PAPPA2: variants seen among roughly 807,000 people sequenced by gnomAD.
PAPPA2 encodes the protein pappalysin 2.
In PAPPA2, 86 loss-of-function variants were observed where a neutral mutation model predicts 176.4. The ratio of observed to expected loss-of-function variants is 0.49; its 90% CI spans 0.41 to 0.58. The LOEUF (loss-of-function observed/expected upper bound fraction) is 0.58. Ranked by LOEUF, PAPPA2 falls within the 20% of genes least tolerant of loss-of-function variation. The probability of loss-of-function intolerance (pLI) is 0.00; values close to 1 mark genes in which losing one functional copy is unlikely to be tolerated. For missense variants in PAPPA2, 2,073 were observed against 2,256.9 expected (o/e 0.92, Z 1.65); for synonymous variants, 809 against 852.2 (o/e 0.95, Z 0.88).
At chr1:176,702,845 T>C (rs1025236522) in intron 9 of PAPPA2, 110 bp downstream of exon 9, 1 of 1,395,742 alleles carries the variant, frequency 7.2e-7, no homozygotes, top group African/African-American at 1.4e-5. Flanking sequence ...AAACAGAAGT[T>C]TCAGGAGTTT....
chr1:176,589,130 CTTT>C (rs936023967), intron 2 of PAPPA2, among the ~76,000 whole-genome samples: 1 of 150,260 alleles, frequency 6.7e-6, no homozygotes, highest in Admixed American at 6.6e-5. Flanking sequence ...ACATTCAAAA[CTTT>C]TTTTTTTCAT....
chr1:176,829,518 G>A (rs1001174466), intron 21 of PAPPA2, among the ~76,000 whole-genome samples: 4 of 152,184 alleles, frequency 2.6e-5, no homozygotes, highest in African/African-American at 9.7e-5. Flanking sequence ...CACCAGCTCA[G>A]GCCTGCCTCA....
chr1:176,579,293 G>A (rs1225817005), intron 2 of PAPPA2, among the ~76,000 whole-genome samples: 3 of 152,182 alleles, frequency 2.0e-5, no homozygotes, highest in African/African-American at 7.2e-5. Flanking sequence ...GAGGAAGTGG[G>A]GATTGAAGCC....
rs75550145 is a variant in PAPPA2 at position 176,528,954 on chromosome 1, C to G, written c.-916-26453C>G. ...TTTTATGATTCCCTGCAGTTAAAAGCACCTTGCATCCAGTTATTGCCACAA... is the reference window on the plus strand; with the variant it reads ...TTTTATGATTCCCTGCAGTTAAAAGGACCTTGCATCCAGTTATTGCCACAA... On this transcript the variant is annotated intron_variant, in intron 1 of 22. Coordinates refer to ENST00000367662, the MANE Select transcript of PAPPA2 (RefSeq NM_020318.3). Among the ~76,000 whole-genome samples the G allele has an allele frequency of 5.9e-3, 898 of 152,282 alleles. 7 individuals are homozygous for G. Among genetic ancestry groups the G allele is most frequent in the African/African-American group, 0.021 (859 of 41,546 alleles).
intron 2 of PAPPA2, among the ~76,000 whole-genome samples, chr1:176,576,927 G>T (rs564504727): frequency 6.6e-6 from 1 of 152,170 alleles, no homozygotes; most frequent in South Asian, 2.1e-4. Flanking sequence ...CATTTATTCA[G>T]TTCCCCGGGT....
At chr1:176,833,369 A>C (rs970055407) in intron 21 of PAPPA2, among the ~76,000 whole-genome samples, 2 of 152,220 alleles carry the variant, frequency 1.3e-5, no homozygotes, top group Admixed American at 1.3e-4. Flanking sequence ...ATCAGTCCTC[A>C]TAAACATTGT....
chr1:176,695,753 G>T lies in PAPPA2; in HGVS notation c.2640G>T (p.Leu880Phe), dbSNP rs959826728. 2 of 1,614,066 alleles carry T rather than the reference G, an allele frequency of 1.2e-6. No homozygotes were observed. The highest frequency in any genetic ancestry group is 1.7e-6 in the Non-Finnish European group (2 of 1,179,980). Residue 880 changes from leucine to phenylalanine, a missense_variant, in exon 7 of 23, where the codon TTG (leucine) becomes TTT (phenylalanine). Transcript: ENST00000367662. ...ATCTCCCCAGGGCCTCAGGCAGCTT[G>T]TGTGGCGCTTGCACTGAAGATGGGA... ...GVVYDRASGS[L>F]CGACTEDGTF... is the part of the protein sequence containing the mutation.
chr1:176,719,196 G>A (rs573317491), intron 12 of PAPPA2, among the ~76,000 whole-genome samples: 2 of 151,434 alleles, frequency 1.3e-5, no homozygotes, highest in African/African-American at 2.4e-5. Context: ...CAATTGCTTC[G>A]TGATATCTAA....
At chr1:176,724,604 A>G (rs572929741) in intron 12 of PAPPA2, among the ~76,000 whole-genome samples, 1 of 152,314 alleles carries the variant, frequency 6.6e-6, no homozygotes, top group South Asian at 2.1e-4. Context: ...GTTATAAATT[A>G]CAGACCACTG....
In PAPPA2 at chr1:176,739,915, T is replaced by G. The variant is rs917176167; in HGVS notation, c.3935-65T>G. ...ACACCTATTAAGAGGATAAAATGAA[T>G]ACAAGATATGGAAACATGGTACTAA... On this transcript the variant is annotated intron_variant, in intron 13 of 22. Coordinates refer to ENST00000367662, the MANE Select transcript of PAPPA2 (RefSeq NM_020318.3). The G allele has an allele frequency of 2.5e-6, 4 of 1,587,146 alleles. No individual in the cohort carries two copies. In the East Asian group the frequency reaches 8.9e-5, roughly 35 times the overall value.
rs199610092 is a variant in PAPPA2, at chr1:176,699,397, G to A, written c.3044G>A (p.Gly1015Glu). 9.6e-5 allele frequency: 155 copies of A among 1,614,160 alleles called. 3 individuals carry two copies. The Middle Eastern group carries it at 3.1e-3, about 33-fold the overall frequency. The change falls in exon 8 of 23, where the codon GGG becomes GAG. Residue 1015 changes from glycine (G) to glutamate (E), a missense_variant. Around this residue, in one of 4 missense-constraint regions of PAPPA2, gnomAD observed 1,196 missense variants for 1,330.4 expected, o/e 0.90. Coordinates refer to ENST00000367662, the MANE Select transcript of PAPPA2 (RefSeq NM_020318.3). ...CTCACCATCAAACTGCACGTGGATG[G>A]GAAGGTGTCGGGGGTGAAAGTCTAC... ...IPLTIKLHVD[G>E]KVSGVKVYTF...
intron 1 of PAPPA2, among the ~76,000 whole-genome samples, chr1:176,484,711 T>G (rs1335560272): frequency 6.6e-6 from 1 of 152,342 alleles, no homozygotes; most frequent in African/African-American, 2.4e-5. Context: ...TTCTTAAAAC[T>G]TTCATCTCTC....
At chr1:176,829,235 G>C (rs1666977416) in intron 21 of PAPPA2, among the ~76,000 whole-genome samples, 1 of 151,638 alleles carries the variant, frequency 6.6e-6, no homozygotes, top group East Asian at 1.9e-4. Context: ...TGATTGCTGA[G>C]AAAGAGAGGG....
chr1:176,595,180 C>T lies in PAPPA2; in HGVS notation c.1576C>T (p.Arg526Cys), dbSNP rs200777009. The change falls in exon 3 of 23, where the codon CGC becomes TGC. Residue 526 changes from arginine to cysteine, a missense_variant. By Grantham distance (180) the Arg-to-Cys change is radical (BLOSUM62 -3). Transcript: ENST00000367662. Reference protein sequence around the residue: ...YWPLRGEKVIRYQVVNICDDE... With the variant: ...YWPLRGEKVICYQVVNICDDE... ...GCCCCTTCGGGGAGAGAAGGTGATA[C>T]GCTACCAGGTGGTGAACATCTGTGA... The T allele has an allele frequency of 4.4e-5, 71 of 1,614,054 alleles. 1 individual carries two copies. In the Middle Eastern group the frequency reaches 4.9e-4, roughly 11 times the overall value.
chr1:176,821,881 G>A (rs1045120445), intron 21 of PAPPA2, among the ~76,000 whole-genome samples: 7 of 152,132 alleles, frequency 4.6e-5, no homozygotes, highest in East Asian at 1.9e-4. Flanking sequence ...CTTTGCAGTC[G>A]CAAGCATTCG....
chr1:176,666,579 GT>G (rs1658656746), intron 3 of PAPPA2, among the ~76,000 whole-genome samples: 1 of 148,342 alleles, frequency 6.7e-6, no homozygotes, highest in Non-Finnish European at 1.5e-5. Context: ...GTGTGTGTGT[GT>G]GTGTGTGTGT....
At chr1:176,539,524 C>A (rs1388177090) in intron 1 of PAPPA2, among the ~76,000 whole-genome samples, 3 of 152,194 alleles carry the variant, frequency 2.0e-5, no homozygotes, top group African/African-American at 7.2e-5. Flanking sequence ...AAGGTCTACC[C>A]CATTAAGTGG....
intron 1 of PAPPA2, among the ~76,000 whole-genome samples, chr1:176,546,643 C>T (rs4652186): frequency 0.69 from 104,668 of 152,118 alleles, 36,521 homozygotes; most frequent in East Asian, 0.95. Context: ...AGAGAATGCA[C>T]GACAGTTGAA....
chr1:176,720,448 G>A (rs551402630), intron 12 of PAPPA2, among the ~76,000 whole-genome samples: 69 of 152,022 alleles, frequency 4.5e-4, no homozygotes, highest in Admixed American at 3.1e-3. Flanking sequence ...GTACAATTAC[G>A]TTTAATGTAA....
Sources: allele counts gnomAD v4.1 joint callset (sites outside exome capture counted in the v4.1 genomes callset), GRCh38; gene constraint gnomAD v4.1.1; regional missense constraint gnomAD v4.1.1; transcripts MANE v1.5; gene names NCBI Gene and HGNC (gene_info 2026-07-23, HGNC 2026-07-21).